The following PLAAT3 variants were observed in gnomAD, a reference collection of about 807,000 sequenced individuals.
The protein encoded by PLAAT3 is phospholipase A and acyltransferase 3, also known as Ca-independent phospholipase A1/2.
PLAAT3 carries 21 observed loss-of-function variants against 16.7 expected under a neutral mutation model. The ratio of observed to expected loss-of-function variants is 1.26; its 90% CI spans 0.89 to 1.81. The LOEUF (loss-of-function observed/expected upper bound fraction) is 1.81. Among genes scored for constraint, PLAAT3 ranks in the 40% most tolerant of loss-of-function variants. The pLI is 0.00. For synonymous variants in PLAAT3, 76 were observed against 81.7 expected, an observed-to-expected ratio of 0.93 and a Z score of 0.38; for missense variants, 219 against 213.7, an observed-to-expected ratio of 1.02 and a Z score of -0.16.
chr11:63,589,353 T>C (rs1344305308), intron 4 of PLAAT3, among the ~76,000 whole-genome samples: 3 of 148,626 alleles, frequency 2.0e-5, no homozygotes, highest in Non-Finnish European at 4.4e-5. Flanking sequence ...AAAAAATATG[T>C]ATTCTTTTGC....
At chr11:63,606,738 A>G (rs1164334909) in intron 2 of PLAAT3, among the ~76,000 whole-genome samples, 3 of 152,184 alleles carry the variant, frequency 2.0e-5, no homozygotes, top group African/African-American at 7.2e-5. Context: ...GAGCAACAGC[A>G]AGGAGGCCAA....
chr11:63,613,183 G>A (rs1196925535), intron 2 of PLAAT3, among the ~76,000 whole-genome samples: 2 of 152,142 alleles, frequency 1.3e-5, no homozygotes, highest in African/African-American at 4.8e-5. Context: ...AGACCGAGGC[G>A]GGCGGAGCAC....
At position 63,598,115 on chromosome 11, in the gene PLAAT3, T is replaced by G. The variant is rs1395948285; in HGVS notation, c.64A>C (p.Arg22=). 9 of 1,614,124 alleles carry G rather than the reference T, an allele frequency of 5.6e-6. No individual in the cohort carries two copies. Among genetic ancestry groups the G allele is most frequent in the Non-Finnish European group, 7.6e-6 (9 of 1,179,982 alleles). The change falls in exon 3 of 5, where the codon AGA becomes CGA. Residue 22 remains arginine, a synonymous_variant. Coordinates refer to ENST00000415826, the MANE Select transcript of PLAAT3 (RefSeq NM_001128203.2). Reference sequence around the variant, plus strand: ...TCGCCAACATAGATGGCCCAGTGTCTGTAGAAAGGGCGAAAAATCTCAATC... The same window carrying G: ...TCGCCAACATAGATGGCCCAGTGTCGGTAGAAAGGGCGAAAAATCTCAATC... ...DLIEIFRPFY[R]HWAIYVGDGY... is the part of the protein sequence containing the mutation.
intron 3 of PLAAT3, among the ~76,000 whole-genome samples, chr11:63,596,155 G>T (rs962695358): frequency 6.9e-6 from 1 of 145,164 alleles, no homozygotes. Flanking sequence ...GCAGGAGAAC[G>T]GCGTGAACCC....
intron 2 of PLAAT3, among the ~76,000 whole-genome samples, chr11:63,607,785 G>T (rs1489316370): frequency 1.3e-5 from 2 of 151,972 alleles, no homozygotes; most frequent in Non-Finnish European, 2.9e-5. Context: ...GGAGAGGGCA[G>T]GCAGGGCAGG....
intron 2 of PLAAT3, among the ~76,000 whole-genome samples, chr11:63,613,469 CAG>C (rs1938744309): frequency 6.6e-6 from 1 of 152,204 alleles, no homozygotes; most frequent in Admixed American, 6.5e-5. Context: ...CTCTGGGAAA[CAG>C]TGGATTTGAA....
intron 3 of PLAAT3, among the ~76,000 whole-genome samples, chr11:63,594,881 G>C (rs903528050): frequency 6.8e-6 from 1 of 146,716 alleles, no homozygotes; most frequent in Non-Finnish European, 1.5e-5. Flanking sequence ...CTTATGAAAG[G>C]AAGAGGAGGG....
chr11:63,614,034 C>A lies in PLAAT3; in HGVS notation c.-20G>T, dbSNP rs770222141. 1 of 1,613,396 alleles carries A rather than the reference C, an allele frequency of 6.2e-7. No individual in the cohort carries two copies. The highest frequency in any genetic ancestry group is 1.3e-5 in the African/African-American group (1 of 74,910). On this transcript the variant is annotated 5_prime_UTR_variant, in exon 2 of 5. Transcript: ENST00000415826. ...ACGCATCTTCCCTCGCGGTGTGGAC[C>A]CTCAAGGCCAGGCTCGATTTCGCTG...
chr11:63,598,885 T>G (rs1938357039), intron 2 of PLAAT3, among the ~76,000 whole-genome samples: 1 of 152,142 alleles, frequency 6.6e-6, no homozygotes, highest in African/African-American at 2.4e-5. Context: ...GGTGGATGCA[T>G]GAGTGTGAGA....
chr11:63,608,156 T>G (rs1326664309), intron 2 of PLAAT3, among the ~76,000 whole-genome samples: 1 of 152,210 alleles, frequency 6.6e-6, no homozygotes, highest in Non-Finnish European at 1.5e-5. Context: ...CACTCCAGCC[T>G]GGGCGACAGA....
At chr11:63,598,203 A>T in intron 2 of PLAAT3, 40 bp from the exon 3 acceptor site, 1 of 1,408,184 alleles carries the variant, frequency 7.1e-7, no homozygotes. Flanking sequence ...GGAGCATGAG[A>T]TCGTGGAACC....
chr11:63,579,279 T>G (rs931111415), intron 4 of PLAAT3, among the ~76,000 whole-genome samples: 1 of 152,244 alleles, frequency 6.6e-6, no homozygotes, highest in African/African-American at 2.4e-5. Context: ...TTGGTGGGAC[T>G]GTAAACCAGT....
upstream of PLAAT3, among the ~76,000 whole-genome samples, chr11:63,615,302 G>A (rs140005903): frequency 9.0e-4 from 63 of 70,038 alleles, 1 homozygote; most frequent in African/African-American, 2.9e-3. Context: ...ATATATGTGT[G>A]TATATATGTG....
At position 63,575,005 on chromosome 11, in the gene PLAAT3, G is replaced by A. The variant is rs553367952; in HGVS notation, c.429C>T (p.Gly143=). Residue 143 remains glycine, a synonymous_variant, in exon 5 of 5, where the codon GGC becomes GGT. Coordinates refer to ENST00000415826, the MANE Select transcript of PLAAT3 (RefSeq NM_001128203.2). ...CTCCAATAAGGCTCATGGCTGCCAA[G>A]CCCATTCCTGCAACGCTTGCAGCGA... ...VIIAASVAGM[G]LAAMSLIGVM... 15 of 1,613,596 alleles carry A rather than the reference G, an allele frequency of 9.3e-6. No individual in the cohort carries two copies. In the East Asian group the frequency reaches 2.2e-4, roughly 24 times the overall value.
intron 2 of PLAAT3, among the ~76,000 whole-genome samples, chr11:63,612,011 G>A (rs569866172): frequency 2.6e-5 from 4 of 152,340 alleles, no homozygotes; most frequent in East Asian, 3.9e-4. Flanking sequence ...GGTGGCGCAT[G>A]CCTGTAATCC....
chr11:63,580,924 C>T (rs1937793683), intron 4 of PLAAT3, among the ~76,000 whole-genome samples: 1 of 152,306 alleles, frequency 6.6e-6, no homozygotes, highest in Admixed American at 6.5e-5. Context: ...ATTTCATGGA[C>T]ATTTATCAGT....
At chr11:63,610,773 T>A (rs1433621822) in intron 2 of PLAAT3, among the ~76,000 whole-genome samples, 1 of 152,162 alleles carries the variant, frequency 6.6e-6, no homozygotes, top group Non-Finnish European at 1.5e-5. Context: ...TGGGGTTTCA[T>A]TTCCTTGGCA....
At chr11:63,615,144 A>ATATG (rs1565259757), upstream of PLAAT3, among the ~76,000 whole-genome samples, 1 of 86,594 alleles carries the variant, frequency 1.2e-5, no homozygotes, top group Admixed American at 1.5e-4. Context: ...ATATGTGTAT[A>ATATG]TGTGTGTATA....
chr11:63,584,569 A>C (rs924310172), intron 4 of PLAAT3, among the ~76,000 whole-genome samples: 7 of 148,102 alleles, frequency 4.7e-5, no homozygotes, highest in Admixed American at 1.4e-4. Flanking sequence ...GCTGGAGTAC[A>C]GTGGTGCAAT....
Sources: allele counts gnomAD v4.1 joint callset (sites outside exome capture counted in the v4.1 genomes callset), GRCh38; gene constraint gnomAD v4.1.1; transcripts MANE v1.5; gene names NCBI Gene and HGNC (gene_info 2026-07-23, HGNC 2026-07-21).